Variants in FSTL5 observed in about 807,000 individuals in gnomAD.
FSTL5 encodes follistatin-related protein 5.
In FSTL5, 62 loss-of-function variants were observed where a neutral mutation model predicts 89.1. That is an observed-to-expected ratio of 0.70 (90% CI 0.57 to 0.86). The LOEUF is 0.86. Ranked by LOEUF, FSTL5 falls within the 40% of genes least tolerant of loss-of-function variation. FSTL5 has a pLI of 0.00. For missense variants in FSTL5, 1,057 were observed against 1,001.6 expected, an observed-to-expected ratio of 1.06 and a Z score of -0.75; for synonymous variants, 383 against 346.2, an observed-to-expected ratio of 1.11 and a Z score of -1.18.
chr4:161,669,124 A>T lies in FSTL5; in HGVS notation c.728-12630T>A, dbSNP rs867295454. On this transcript the variant is annotated intron_variant, in intron 6 of 15. Coordinates refer to ENST00000306100, the MANE Select transcript of FSTL5 (RefSeq NM_020116.5). ...GAGACTCTGTCTCAAAAAAAAAAAA[A>T]AAATAAAATAAAATAAAAGAAAAAG... 1.9e-3 allele frequency among the ~76,000 whole-genome samples: 238 copies of T among 127,724 alleles called. 3 individuals are homozygous for T. The highest frequency in any genetic ancestry group is 8.2e-3 in the South Asian group (25 of 3,032). 83.8% of individuals were successfully genotyped at this position (127,724 alleles called of 152,430 possible).
intron 6 of FSTL5, among the ~76,000 whole-genome samples, chr4:161,665,911 T>C (rs1056084832): frequency 3.9e-5 from 6 of 151,918 alleles, no homozygotes; most frequent in Non-Finnish European, 7.4e-5. Context: ...AGCATTTAAA[T>C]ATGAATGTTA....
intron 3 of FSTL5, among the ~76,000 whole-genome samples, chr4:161,934,229 C>T (rs770928855): frequency 1.3e-5 from 2 of 152,034 alleles, no homozygotes; most frequent in Non-Finnish European, 2.9e-5. Flanking sequence ...CTGTACTTTG[C>T]TCCTATCAAT....
chr4:161,493,284 T>C (rs1729946158), intron 12 of FSTL5, among the ~76,000 whole-genome samples: 1 of 151,736 alleles, frequency 6.6e-6, no homozygotes, highest in East Asian at 1.9e-4. Context: ...AATTATTGTC[T>C]CTCATAGAAG....
intron 4 of FSTL5, among the ~76,000 whole-genome samples, chr4:161,835,242 C>G (rs1327406979): frequency 2.6e-5 from 4 of 151,946 alleles, no homozygotes; most frequent in Admixed American, 1.3e-4. Flanking sequence ...GGAAAACTGG[C>G]TAGCCATAAG....
At chr4:161,825,104 G>A (rs1300518581) in intron 4 of FSTL5, among the ~76,000 whole-genome samples, 1 of 152,090 alleles carries the variant, frequency 6.6e-6, no homozygotes, top group Non-Finnish European at 1.5e-5. Flanking sequence ...ATCATAAAGG[G>A]ATGCTGGATT....
At chr4:162,156,828 C>A (rs137941304) in intron 1 of FSTL5, among the ~76,000 whole-genome samples, 1 of 152,054 alleles carries the variant, frequency 6.6e-6, no homozygotes, top group East Asian at 1.9e-4. Flanking sequence ...TCACTCATAC[C>A]CCAGACCTCA....
intron 15 of FSTL5, among the ~76,000 whole-genome samples, chr4:161,392,269 C>T (rs771627532): frequency 1.2e-4 from 18 of 151,808 alleles, no homozygotes; most frequent in Middle Eastern, 3.4e-3. Flanking sequence ...ACTCTGTTGC[C>T]CAAGCTGGAG....
chr4:162,147,961 C>T (rs1412890323), intron 1 of FSTL5, among the ~76,000 whole-genome samples: 6 of 152,020 alleles, frequency 3.9e-5, no homozygotes, highest in South Asian at 2.1e-4. Flanking sequence ...ACTGAGATTG[C>T]GCCATTGCAC....
At chr4:161,403,902 T>C (rs932287045) in intron 15 of FSTL5, among the ~76,000 whole-genome samples, 1 of 152,166 alleles carries the variant, frequency 6.6e-6, no homozygotes, top group Non-Finnish European at 1.5e-5. Flanking sequence ...AAGAAGCCTA[T>C]ATACTGAGTC....
At chr4:161,510,502 A>G in intron 10 of FSTL5, 78 bp from the exon 11 acceptor site, 1 of 785,048 alleles carries the variant, frequency 1.3e-6, no homozygotes, top group Non-Finnish European at 2.0e-6. Context: ...TATAAATATT[A>G]TTAAAGATGT....
At chr4:162,096,908 A>G (rs1003185327) in intron 2 of FSTL5, among the ~76,000 whole-genome samples, 1 of 151,960 alleles carries the variant, frequency 6.6e-6, no homozygotes, top group East Asian at 1.9e-4. Context: ...CTTGCCACCC[A>G]TCATACTAAC....
At position 162,111,354 on chromosome 4, in the gene FSTL5, A is replaced by G. The variant is rs1241677820; in HGVS notation, c.43T>C (p.Phe15Leu). The G allele has an allele frequency of 6.2e-7, 1 of 1,612,502 alleles. No individual in the cohort carries two copies. The highest frequency in any genetic ancestry group is 2.2e-5 in the East Asian group (1 of 44,810). Residue 15 changes from phenylalanine (F) to leucine (L), a missense_variant, in exon 2 of 16, where the codon TTT becomes CTT. Around this residue, in one of 3 missense-constraint regions of FSTL5, gnomAD observed 980 missense variants for 903.2 expected, o/e 1.08. Coordinates refer to ENST00000306100, the MANE Select transcript of FSTL5 (RefSeq NM_020116.5). ...GTTGGCCTTCCTTCCGACTCCAGAAAAATGAATCCGAGAACCAAGACAACT... is the reference window on the plus strand; with the variant it reads ...GTTGGCCTTCCTTCCGACTCCAGAAGAATGAATCCGAGAACCAAGACAACT... Reference protein sequence around the residue: ...WSVVLVLGFIFLESEGRPTKE... With the variant: ...WSVVLVLGFILLESEGRPTKE...
intron 4 of FSTL5, among the ~76,000 whole-genome samples, chr4:161,910,418 C>A (rs1733657945): frequency 6.6e-6 from 1 of 152,112 alleles, no homozygotes; most frequent in Non-Finnish European, 1.5e-5. Context: ...ACATGAATAT[C>A]CAACTGCACA....
chr4:161,794,868 CTCA>C (rs1729587245), intron 4 of FSTL5, among the ~76,000 whole-genome samples: 1 of 152,048 alleles, frequency 6.6e-6, no homozygotes, highest in African/African-American at 2.4e-5. Flanking sequence ...TCTCTAATCT[CTCA>C]TCATATGTCA....
chr4:161,822,284 C>CCT (rs1408743497), intron 4 of FSTL5, among the ~76,000 whole-genome samples: 1 of 152,142 alleles, frequency 6.6e-6, no homozygotes, highest in Admixed American at 6.5e-5. Flanking sequence ...TTTGCACAGG[C>CCT]CTATTGGGCT....
chr4:161,559,054 G>A (rs1174014650), intron 8 of FSTL5, among the ~76,000 whole-genome samples: 2 of 151,806 alleles, frequency 1.3e-5, no homozygotes, highest in African/African-American at 4.8e-5. Context: ...AAAATTGAAA[G>A]TATTATGTTG....
chr4:161,478,848 T>C (rs749586112), intron 13 of FSTL5, among the ~76,000 whole-genome samples: 7 of 152,082 alleles, frequency 4.6e-5, no homozygotes, highest in Non-Finnish European at 7.4e-5. Context: ...AATCAGTTTC[T>C]CCACAGCAAT....
chr4:161,966,039 A>G (rs1466984701), intron 3 of FSTL5, among the ~76,000 whole-genome samples: 1 of 152,152 alleles, frequency 6.6e-6, no homozygotes, highest in African/African-American at 2.4e-5. Flanking sequence ...TTGTGTGAGA[A>G]TATCTGAGTT....
intron 2 of FSTL5, among the ~76,000 whole-genome samples, chr4:162,091,916 T>C (rs1373324843): frequency 2.0e-5 from 3 of 151,288 alleles, no homozygotes; most frequent in African/African-American, 7.3e-5. Context: ...ATAGAATATA[T>C]GTATATTTTA....
Sources: allele counts gnomAD v4.1 joint callset (sites outside exome capture counted in the v4.1 genomes callset), GRCh38; gene constraint gnomAD v4.1.1; regional missense constraint gnomAD v4.1.1; transcripts MANE v1.5; gene names NCBI Gene and HGNC (gene_info 2026-07-23, HGNC 2026-07-21).